The following ZMYM2 variants were observed in gnomAD, a reference collection of about 807,000 sequenced individuals.
ZMYM2 encodes the protein zinc finger MYM-type containing 2, also known as zinc finger MYM-type protein 2.
A neutral mutation model predicts 162.8 loss-of-function variants in ZMYM2; 56 were observed. That is an observed-to-expected ratio of 0.34 (90% confidence interval 0.28 to 0.43). The LOEUF is 0.43. Ranked by LOEUF, ZMYM2 falls within the 20% of genes least tolerant of loss-of-function variation. The pLI, the probability that ZMYM2 is intolerant of heterozygous loss-of-function variation, is 1.00. For missense variants in ZMYM2, 1,275 were observed against 1,621.8 expected, an observed-to-expected ratio of 0.79 and a Z score of 3.67; for synonymous variants, 510 against 541.6, an observed-to-expected ratio of 0.94 and a Z score of 0.81.
upstream of ZMYM2, among the ~76,000 whole-genome samples, chr13:19,955,445 A>G (rs1442367437): frequency 6.6e-6 from 1 of 152,196 alleles, no homozygotes; most frequent in African/African-American, 2.4e-5. Context: ...GACTAAAAGC[A>G]TCTAGCTAGT....
chr13:19,988,504 G>A (rs1206886275), intron 2 of ZMYM2, among the ~76,000 whole-genome samples: 1 of 152,136 alleles, frequency 6.6e-6, no homozygotes, highest in Non-Finnish European at 1.5e-5. Context: ...TTACGGCCGG[G>A]CATGGTGGCT....
intron 12 of ZMYM2, among the ~76,000 whole-genome samples, chr13:20,046,349 C>T (rs564527375): frequency 2.0e-5 from 3 of 151,586 alleles, no homozygotes; most frequent in East Asian, 1.9e-4. Flanking sequence ...GAGTTCTAGT[C>T]CAGCCTGGGC....
intron 1 of ZMYM2, among the ~76,000 whole-genome samples, chr13:19,959,222 G>A (rs1404767271): frequency 6.7e-6 from 1 of 149,596 alleles, no homozygotes; most frequent in Non-Finnish European, 1.5e-5. Context: ...GGCCGCCCGG[G>A]GAGGTCGCGG....
chr13:20,053,424 G>A (rs937897832), intron 14 of ZMYM2, among the ~76,000 whole-genome samples: 1 of 152,216 alleles, frequency 6.6e-6, no homozygotes, highest in African/African-American at 2.4e-5. Context: ...AACAAGGCAA[G>A]TGGATCACCT....
At chr13:19,877,446 A>G in the ZMYM2 span, among the ~76,000 whole-genome samples, 1 of 152,190 alleles carries the variant, frequency 6.6e-6, no homozygotes, top group South Asian at 2.1e-4. Context: ...CTCTCATGGG[A>G]ACCAACCCAT....
chr13:20,041,861 A>AACCAATT (rs1430318026), intron 12 of ZMYM2, among the ~76,000 whole-genome samples: 1 of 151,670 alleles, frequency 6.6e-6, no homozygotes, highest in African/African-American at 2.4e-5. Context: ...GTTAAATTAA[A>AACCAATT]AAAAAAGGGT....
chr13:19,873,384 A>T, the ZMYM2 span, among the ~76,000 whole-genome samples: 7 of 108,550 alleles, frequency 6.4e-5, no homozygotes, highest in Middle Eastern at 4.8e-3. Flanking sequence ...AGTCAATTTT[A>T]TTTATTTATT....
intron 6 of ZMYM2, among the ~76,000 whole-genome samples, chr13:20,007,424 A>T (rs1204222490): frequency 6.6e-6 from 1 of 152,112 alleles, no homozygotes; most frequent in Non-Finnish European, 1.5e-5. Context: ...GGCGTGAACC[A>T]CTGCACCCGT....
At position 20,019,427 on chromosome 13, in the gene ZMYM2, A is replaced by G. The variant is rs530475723; in HGVS notation, c.1513-120A>G. ...CAGGCAGACATTTTTAAAAGTTGGA[A>G]TGAGTTTGTAAGTCACAAAATATAA... On this transcript the variant is annotated intron_variant, in intron 6 of 24. Transcript: ENST00000610343. 41 of 791,808 alleles carry G rather than the reference A, an allele frequency of 5.2e-5. No individual in the cohort carries two copies. In the South Asian group the frequency reaches 7.7e-4, roughly 15 times the overall value. 49.0% of individuals were successfully genotyped at this position (791,808 alleles called of 1,614,324 possible). A position where few individuals can be genotyped will look rare whatever the true frequency, so the allele number is the denominator to read the frequency against.
At chr13:19,874,862 AAC>A in the ZMYM2 span, among the ~76,000 whole-genome samples, 1 of 152,214 alleles carries the variant, frequency 6.6e-6, no homozygotes, top group Non-Finnish European at 1.5e-5. Context: ...AACACAAATT[AAC>A]ATCATGATGA....
chr13:20,023,994 G>T (rs1952349742), intron 7 of ZMYM2, among the ~76,000 whole-genome samples: 3 of 151,468 alleles, frequency 2.0e-5, no homozygotes, highest in Admixed American at 1.3e-4. Context: ...GAGTGTAGTG[G>T]CACGATCTTG....
At chr13:19,921,084 T>C in the ZMYM2 span, among the ~76,000 whole-genome samples, 6 of 152,142 alleles carry the variant, frequency 3.9e-5, no homozygotes, top group Non-Finnish European at 5.9e-5. Flanking sequence ...CTTCCTTTAG[T>C]AAAAATACTG....
intron 3 of ZMYM2, among the ~76,000 whole-genome samples, chr13:19,995,224 C>G (rs776602906): frequency 6.6e-6 from 1 of 151,684 alleles, no homozygotes; most frequent in South Asian, 2.1e-4. Context: ...TCCTTTTTTT[C>G]TTTTCTAAAA....
At chr13:19,910,785 G>A in the ZMYM2 span, among the ~76,000 whole-genome samples, 5 of 152,134 alleles carry the variant, frequency 3.3e-5, no homozygotes, top group African/African-American at 1.2e-4. Flanking sequence ...AATGAGAATA[G>A]TTGAACCCCA....
chr13:19,918,495 C>CTTTTTTT, the ZMYM2 span, among the ~76,000 whole-genome samples: 20 of 107,500 alleles, frequency 1.9e-4, no homozygotes, highest in Admixed American at 3.4e-4. Flanking sequence ...TTCTTTCTTT[C>CTTTTTTT]TTTTTTTTTT....
intron 24 of ZMYM2, 98 bp from the exon 25 acceptor site, chr13:20,085,724 T>C (rs1485272915): frequency 5.6e-6 from 6 of 1,063,222 alleles, no homozygotes; most frequent in East Asian, 5.1e-5. Flanking sequence ...TCTGGTCATA[T>C]AACGTGATTA....
intron 9 of ZMYM2, among the ~76,000 whole-genome samples, chr13:20,030,305 A>G (rs1325081490): frequency 7.2e-6 from 1 of 139,020 alleles, no homozygotes; most frequent in African/African-American, 2.7e-5. Context: ...ATCTCGGCTC[A>G]CTGCAACCTC....
the ZMYM2 span, among the ~76,000 whole-genome samples, chr13:19,866,588 C>T: frequency 2.0e-5 from 3 of 152,084 alleles, 1 homozygote; most frequent in South Asian, 4.1e-4. Flanking sequence ...TCACTTGTAC[C>T]TGGGAGGTGG....
At chr13:20,049,441 A>C (rs1955114550) in intron 12 of ZMYM2, among the ~76,000 whole-genome samples, 1 of 152,002 alleles carries the variant, frequency 6.6e-6, no homozygotes, top group East Asian at 1.9e-4. Context: ...GTATAAACGG[A>C]AATACTACTA....
Sources: gnomAD v4.1 joint callset for allele counts (sites outside exome capture counted in the v4.1 genomes callset) on GRCh38, gnomAD v4.1.1 for gene constraint, MANE v1.5 for transcripts, NCBI Gene and HGNC (gene_info 2026-07-23, HGNC 2026-07-21) for gene names.